The following PDPK1 variants were observed in gnomAD, a reference collection of about 807,000 sequenced individuals.
PDPK1 encodes the protein 3-phosphoinositide-dependent protein kinase 1.
In PDPK1, 7 loss-of-function variants were observed where a neutral mutation model predicts 39.8. That is an observed-to-expected ratio of 0.18 (90% CI 0.10 to 0.33). The LOEUF is 0.33. Among genes scored for constraint, PDPK1 ranks in the 10% least tolerant of loss-of-function variants. The pLI is 1.00. For synonymous variants in PDPK1, 118 were observed against 159.1 expected (o/e 0.74, Z 1.95); for missense variants, 182 against 384.7 (o/e 0.47, Z 4.41).
intron 1 of PDPK1, among the ~76,000 whole-genome samples, chr16:2,540,608 A>G (rs147371648): frequency 0.023 from 3,544 of 151,956 alleles, 134 homozygotes; most frequent in African/African-American, 0.082. Context: ...TGTCTTGACC[A>G]TGCCGTGCTG....
chr16:2,587,040 G>C (rs1449060012), intron 11 of PDPK1, 147 bp downstream of exon 11: 3 of 725,654 alleles, frequency 4.1e-6, no homozygotes, highest in Non-Finnish European at 7.1e-6. Flanking sequence ...TGCACAGTTG[G>C]AAACAGGTGC....
At position 2,597,297 on chromosome 16, in the gene PDPK1, T is replaced by C; in HGVS notation, c.1554+22T>C. On this transcript the variant is annotated intron_variant, in intron 13 of 13. Transcript: ENST00000342085. This position sits in a 1 kb window ranked among gnomAD's most constrained non-coding sequence, Gnocchi z 6.3. ...CACGGTGAGTCTGTTCCCAGGGATTTCTGTGTGCAGGGTAATGGGAGGGCT... is the reference window on the plus strand; with the variant it reads ...CACGGTGAGTCTGTTCCCAGGGATTCCTGTGTGCAGGGTAATGGGAGGGCT... 6.4e-7 allele frequency: 1 copy of C among 1,564,630 alleles called. No homozygotes were observed.
At chr16:2,545,038 ATTTT>A (rs1233218927) in intron 1 of PDPK1, among the ~76,000 whole-genome samples, 1 of 134,854 alleles carries the variant, frequency 7.4e-6, no homozygotes, top group East Asian at 2.1e-4. Flanking sequence ...TTAACATTGC[ATTTT>A]TTTTTTTTTT....
chr16:2,589,694 T>TG (rs1247262266), intron 11 of PDPK1, among the ~76,000 whole-genome samples: 4 of 133,316 alleles, frequency 3.0e-5, no homozygotes, highest in Non-Finnish European at 6.3e-5. Flanking sequence ...GTCTCAAAAT[T>TG]GGAAAAAAAA....
chr16:2,550,281 T>A (rs990987728), intron 1 of PDPK1, among the ~76,000 whole-genome samples: 9 of 148,320 alleles, frequency 6.1e-5, no homozygotes, highest in African/African-American at 2.3e-4. Context: ...TTTAAAGTTA[T>A]ACCTATAAGG....
chr16:2,538,812 G>T (rs1211832602), intron 1 of PDPK1: 6 of 1,234,112 alleles, frequency 4.9e-6, no homozygotes, highest in Non-Finnish European at 6.3e-6. Flanking sequence ...CAAACCACTT[G>T]TTGGGTGAAA....
At chr16:2,591,204 T>G (rs1189168871) in intron 11 of PDPK1, among the ~76,000 whole-genome samples, 1 of 152,126 alleles carries the variant, frequency 6.6e-6, no homozygotes, top group Non-Finnish European at 1.5e-5. Flanking sequence ...CTCAAGTGAT[T>G]CACCTGCCTC....
At position 2,597,704 on chromosome 16, in the gene PDPK1, C is replaced by T. The variant is rs1426447291; in HGVS notation, c.1608C>T (p.Cys536=). Residue 536 remains cysteine, a synonymous_variant, in exon 14 of 14, where the codon TGC becomes TGT. Transcript: ENST00000342085. This position sits in a 1 kb window ranked among gnomAD's most constrained non-coding sequence, Gnocchi z 6.3. The part of the protein sequence containing the change: ...MDPSGNAHKW[C]RKIQEVWRQR... Reference sequence around the variant, plus strand: ...CCAGCGGGAACGCACACAAGTGGTGCAGGAAGATCCAGGAGGTTTGGAGGC... The same window carrying T: ...CCAGCGGGAACGCACACAAGTGGTGTAGGAAGATCCAGGAGGTTTGGAGGC... 1 of 1,613,794 alleles carries T rather than the reference C, an allele frequency of 6.2e-7. No individual in the cohort carries two copies. The highest frequency in any genetic ancestry group is 2.2e-5 in the East Asian group (1 of 44,864).
Position 2,586,553 on chromosome 16 carries a change from C to T in PDPK1, c.1126-123C>T, listed in dbSNP as rs575733042. 7.2e-4 allele frequency: 542 copies of T among 751,330 alleles called. 2 individuals are homozygous for T. In the African/African-American group the frequency reaches 8.0e-3, roughly 11 times the overall value. 46.5% of individuals were successfully genotyped at this position (751,330 alleles called of 1,614,324 possible). A position where few individuals can be genotyped will look rare whatever the true frequency, so the allele number is the denominator to read the frequency against. On this transcript the variant is annotated intron_variant, in intron 10 of 13. Coordinates refer to ENST00000342085, the MANE Select transcript of PDPK1 (RefSeq NM_002613.5). Reference sequence around the variant, plus strand: ...GGAGAATCAGGGCTGCCCACCCTGTCGCCTTGCGCCTTGCTGTGTGCGAGC... The same window carrying T: ...GGAGAATCAGGGCTGCCCACCCTGTTGCCTTGCGCCTTGCTGTGTGCGAGC...
intron 11 of PDPK1, among the ~76,000 whole-genome samples, chr16:2,587,706 C>A (rs949194141): frequency 6.6e-6 from 1 of 152,132 alleles, no homozygotes; most frequent in South Asian, 2.1e-4. Flanking sequence ...GACAGGCTTT[C>A]CCTGTGTTGG....
intron 11 of PDPK1, among the ~76,000 whole-genome samples, chr16:2,590,380 T>C (rs1321867400): frequency 6.6e-5 from 10 of 152,194 alleles, no homozygotes; most frequent in Admixed American, 6.5e-4. Flanking sequence ...TTCACAGCAC[T>C]CACCCACAGG....
chr16:2,598,395 G>A lies in PDPK1; in HGVS notation c.*628G>A, dbSNP rs964150763. 1.3e-5 allele frequency: 3 copies of A among 234,330 alleles called. No homozygotes were observed. The highest frequency in any genetic ancestry group is 2.5e-5 in the Non-Finnish European group (3 of 118,922). 14.5% of individuals were successfully genotyped at this position (234,330 alleles called of 1,614,324 possible). A position where few individuals can be genotyped will look rare whatever the true frequency, so the allele number is the denominator to read the frequency against. Reference sequence around the variant, plus strand: ...GTGGCAGCTTTCTGTGGCCCCTGCTGTGTTGGCAGGCAGGTTTGCGTGGTG... The same window carrying A: ...GTGGCAGCTTTCTGTGGCCCCTGCTATGTTGGCAGGCAGGTTTGCGTGGTG... On this transcript the variant is annotated 3_prime_UTR_variant, in exon 14 of 14. Coordinates refer to ENST00000342085, the MANE Select transcript of PDPK1 (RefSeq NM_002613.5).
At chr16:2,551,735 C>G (rs1287354343) in intron 1 of PDPK1, among the ~76,000 whole-genome samples, 1 of 147,770 alleles carries the variant, frequency 6.8e-6, no homozygotes, top group African/African-American at 2.5e-5. Context: ...GACGCAATCT[C>G]TGCTCACTGC....
chr16:2,542,226 T>A (rs1186999412), intron 1 of PDPK1, among the ~76,000 whole-genome samples: 1 of 152,230 alleles, frequency 6.6e-6, no homozygotes, highest in Non-Finnish European at 1.5e-5. Context: ...GTGGCATGAT[T>A]TTGGCTCACT....
intron 11 of PDPK1, among the ~76,000 whole-genome samples, chr16:2,590,428 C>G (rs891747611): frequency 6.6e-6 from 1 of 152,192 alleles, no homozygotes; most frequent in African/African-American, 2.4e-5. Context: ...GCTTCTGAGC[C>G]TTTGTTAAAA....
chr16:2,576,986 CTTGGGCTGG>C (rs61600223), intron 6 of PDPK1: 3,140 of 252,080 alleles, frequency 0.012, 133 homozygotes, highest in African/African-American at 0.072. Context: ...GAGGAAGGCC[CTTGGGCTGG>C]AGGCCTGAGT....
At chr16:2,588,622 G>A (rs1207061688) in intron 11 of PDPK1, among the ~76,000 whole-genome samples, 3 of 152,102 alleles carry the variant, frequency 2.0e-5, no homozygotes, top group African/African-American at 4.8e-5. Context: ...TCTCCTGCCT[G>A]CTTCCTTTGT....
intron 1 of PDPK1, among the ~76,000 whole-genome samples, chr16:2,542,416 C>T: frequency 6.6e-6 from 1 of 152,234 alleles, no homozygotes; most frequent in East Asian, 1.9e-4. Context: ...GCCTCGGCCT[C>T]CCAAAGTGCT....
chr16:2,585,639 C>CCGTGGAGGGGTCGG (rs1170718294), intron 10 of PDPK1, among the ~76,000 whole-genome samples: 1 of 152,196 alleles, frequency 6.6e-6, no homozygotes, highest in Non-Finnish European at 1.5e-5. Flanking sequence ...GGCCCACACC[C>CCGTGGAGGGGTCGG]CGTGGAGGGG....
Sources: gnomAD v4.1 joint callset for allele counts (sites outside exome capture counted in the v4.1 genomes callset) on GRCh38, gnomAD v4.1.1 for gene constraint, Gnocchi (gnomAD v3.1) non-coding constraint, MANE v1.5 for transcripts, NCBI Gene and HGNC (gene_info 2026-07-23, HGNC 2026-07-21) for gene names.